FGD5: variants seen among roughly 807,000 people sequenced by gnomAD.
FGD5 encodes FYVE, RhoGEF and PH domain-containing protein 5.
In FGD5, 28 loss-of-function variants were observed where a neutral mutation model predicts 133.4. The observed-to-expected ratio is 0.21, with a 90% confidence interval of 0.16 to 0.29. The LOEUF is 0.29. Among genes scored for constraint, FGD5 ranks in the 10% least tolerant of loss-of-function variants. The probability of loss-of-function intolerance (pLI) is 1.00; values close to 1 mark genes in which losing one functional copy is unlikely to be tolerated. For missense variants in FGD5, 1,858 were observed against 1,895.2 expected, an observed-to-expected ratio of 0.98 and a Z score of 0.36; for synonymous variants, 810 against 776.5, an observed-to-expected ratio of 1.04 and a Z score of -0.72.
Position 14,888,013 on chromosome 3 carries a change from A to AAT in FGD5, c.2748+7241_2748+7242insAT, listed in dbSNP as rs1553628551. Among the ~76,000 whole-genome samples, 16 of 150,084 alleles carry AAT rather than the reference A, an allele frequency of 1.1e-4. No homozygotes were observed. The South Asian group carries it at 1.5e-3, about 14-fold the overall frequency. ...AGACCCCATCACTACAAAAAAAAAAATTTTTTTTTAGCCAGACATGGTGGC... is the reference window on the plus strand; with the variant it reads ...AGACCCCATCACTACAAAAAAAAAAAATTTTTTTTTTAGCCAGACATGGTGGC... On this transcript the variant is annotated intron_variant, in intron 4 of 19. Transcript: ENST00000285046.
At chr3:14,862,966 G>A (rs538415608) in intron 1 of FGD5, among the ~76,000 whole-genome samples, 3 of 152,156 alleles carry the variant, frequency 2.0e-5, no homozygotes, top group Non-Finnish European at 4.4e-5. Flanking sequence ...AAAGATACTT[G>A]AGGAGCTCCA....
At chr3:14,894,366 A>T (rs1200434697) in intron 4 of FGD5, among the ~76,000 whole-genome samples, 1 of 152,146 alleles carries the variant, frequency 6.6e-6, no homozygotes, top group Non-Finnish European at 1.5e-5. Context: ...GTTGAGGTGT[A>T]CTTAGGTTGA....
chr3:14,923,318 G>A, intron 16 of FGD5, 143 bp downstream of exon 16: 2 of 1,146,442 alleles, frequency 1.7e-6, no homozygotes, highest in Non-Finnish European at 1.2e-6. Context: ...AGGAAACAGA[G>A]GTTCGGGCAC....
chr3:14,880,450 A>T, intron 2 of FGD5, 122 bp from the exon 3 acceptor site: 1 of 744,614 alleles, frequency 1.3e-6, no homozygotes, highest in Non-Finnish European at 2.2e-6. Flanking sequence ...TGAAGAACAT[A>T]CAAGTAATGA....
rs1277842907 is a variant in FGD5, at chr3:14,819,800, A to G, written c.729A>G (p.Gly243=). The change falls in exon 1 of 20, where the codon GGA becomes GGG. Residue 243 remains glycine, a synonymous_variant. Coordinates refer to ENST00000285046, the MANE Select transcript of FGD5 (RefSeq NM_152536.4). This position sits in a 1 kb window ranked among gnomAD's most constrained non-coding sequence, Gnocchi z 4.1. ...CTGACAGGCCCACGGAGGACATGGG[A>G]CAGGATGCTGAGGACACCAGTGAGG... is the stretch of plus-strand genomic sequence containing the variant. The part of the protein sequence containing the change: ...SGPDRPTEDM[G]QDAEDTSEEP... 3 of 1,581,420 alleles carry G rather than the reference A, an allele frequency of 1.9e-6. No homozygotes were observed. In the South Asian group the frequency reaches 3.5e-5, roughly 18 times the overall value.
Position 14,821,226 on chromosome 3 carries a change from C to G in FGD5, c.2155C>G (p.Pro719Ala), listed in dbSNP as rs1357621004. The G allele has an allele frequency of 2.5e-6, 4 of 1,613,916 alleles. No homozygotes were observed. Among genetic ancestry groups the G allele is most frequent in the Non-Finnish European group, 3.4e-6 (4 of 1,179,888 alleles). ...RTGKLRASES[P>A]SSLIFYRDGK... is the part of the protein sequence containing the mutation. ...TGGGAAGCTCCGGGCTTCTGAATCC[C>G]CCTCCTCCCTCATCTTTTATAGAGA... Residue 719 changes from proline (P) to alanine (A), a missense_variant, in exon 1 of 20, where the codon CCC becomes GCC. Transcript: ENST00000285046.
chr3:14,877,855 T>C (rs1418297322), intron 2 of FGD5, among the ~76,000 whole-genome samples: 1 of 152,050 alleles, frequency 6.6e-6, no homozygotes, highest in South Asian at 2.1e-4. Context: ...ATTGTCACAG[T>C]GGGGGTTGAG....
At chr3:14,823,926 C>T (rs568592467) in intron 1 of FGD5, among the ~76,000 whole-genome samples, 1 of 152,332 alleles carries the variant, frequency 6.6e-6, no homozygotes, top group Middle Eastern at 3.4e-3. Flanking sequence ...TAAGACAACG[C>T]TAAAGCTCCT....
chr3:14,826,469 C>A (rs547612321), intron 1 of FGD5, among the ~76,000 whole-genome samples: 2 of 152,128 alleles, frequency 1.3e-5, no homozygotes, highest in South Asian at 4.1e-4. Flanking sequence ...GCCAAGCTGC[C>A]TGGGTATTGG....
intron 4 of FGD5, among the ~76,000 whole-genome samples, chr3:14,882,853 A>G (rs1178759815): frequency 6.6e-6 from 1 of 152,006 alleles, no homozygotes; most frequent in Admixed American, 6.6e-5. Flanking sequence ...CTTAAAGGAG[A>G]CCCATAGACT....
chr3:14,830,393 C>T (rs2036683511), intron 1 of FGD5, among the ~76,000 whole-genome samples: 1 of 152,020 alleles, frequency 6.6e-6, no homozygotes, highest in Non-Finnish European at 1.5e-5. Flanking sequence ...AGGGAAGGAC[C>T]CTAATAAGAA....
chr3:14,871,914 A>G (rs887980601), intron 2 of FGD5, among the ~76,000 whole-genome samples: 2 of 152,228 alleles, frequency 1.3e-5, no homozygotes, highest in Non-Finnish European at 2.9e-5. Context: ...TTCATGGCCT[A>G]TGGCCAAAGT....
chr3:14,924,385 C>T (rs1234615400), intron 17 of FGD5, among the ~76,000 whole-genome samples: 1 of 152,092 alleles, frequency 6.6e-6, no homozygotes, highest in Non-Finnish European at 1.5e-5. Context: ...TTCTCCTGCC[C>T]CATAGCTTAG....
intron 1 of FGD5, among the ~76,000 whole-genome samples, chr3:14,830,548 G>T (rs765959220): frequency 3.9e-5 from 6 of 152,152 alleles, no homozygotes; most frequent in Non-Finnish European, 8.8e-5. Context: ...ATAAAATCAG[G>T]GTTTCTCCCC....
chr3:14,900,464 C>T lies in FGD5; in HGVS notation c.3205+11C>T, dbSNP rs746196764. On this transcript the variant is annotated intron_variant, in intron 8 of 19. Coordinates refer to ENST00000285046, the MANE Select transcript of FGD5 (RefSeq NM_152536.4). Reference sequence around the variant, plus strand: ...ACGACAACACACAGGGTGAGTCCAGCGTGAATGCGGAGGGAGGTACTCAAG... The same window carrying T: ...ACGACAACACACAGGGTGAGTCCAGTGTGAATGCGGAGGGAGGTACTCAAG... The T allele has an allele frequency of 1.9e-6, 3 of 1,612,638 alleles. No individual in the cohort carries two copies. The highest frequency in any genetic ancestry group is 1.1e-5 in the South Asian group (1 of 90,662).
chr3:14,829,381 C>G (rs1044146983), intron 1 of FGD5, among the ~76,000 whole-genome samples: 1 of 151,872 alleles, frequency 6.6e-6, no homozygotes, highest in Non-Finnish European at 1.5e-5. Context: ...AGGTGGAGAA[C>G]GGAGGGGATG....
chr3:14,896,232 A>G (rs560886963), intron 4 of FGD5, among the ~76,000 whole-genome samples: 4 of 152,366 alleles, frequency 2.6e-5, no homozygotes, highest in East Asian at 1.9e-4. Flanking sequence ...TATAAATCCA[A>G]TACAATCCCT....
chr3:14,926,530 C>G (rs2038806549), intron 18 of FGD5, among the ~76,000 whole-genome samples: 1 of 152,254 alleles, frequency 6.6e-6, no homozygotes, highest in South Asian at 2.1e-4. Context: ...AAGAAAACAC[C>G]TTCCTACTGT....
At chr3:14,869,265 A>G (rs957523665) in intron 2 of FGD5, among the ~76,000 whole-genome samples, 1 of 152,054 alleles carries the variant, frequency 6.6e-6, no homozygotes, top group African/African-American at 2.4e-5. Flanking sequence ...CTGCACTCTA[A>G]CCTGGGCGAC....
Sources: gnomAD v4.1 joint callset for allele counts (sites outside exome capture counted in the v4.1 genomes callset) on GRCh38, gnomAD v4.1.1 for gene constraint, Gnocchi (gnomAD v3.1) non-coding constraint, MANE v1.5 for transcripts, NCBI Gene and HGNC (gene_info 2026-07-23, HGNC 2026-07-21) for gene names.